The following AMD1 variants were observed in gnomAD, a reference collection of about 807,000 sequenced individuals.
AMD1 encodes adenosylmethionine decarboxylase 1, also known as S-adenosylmethionine decarboxylase proenzyme.
In AMD1, 11 loss-of-function variants were observed where a neutral mutation model predicts 40.2. The ratio of observed to expected loss-of-function variants is 0.27; its 90% CI spans 0.17 to 0.45. The LOEUF is 0.45. Ranked by LOEUF, AMD1 falls within the 20% of genes least tolerant of loss-of-function variation. AMD1 has a pLI of 1.00. For synonymous variants in AMD1, 121 were observed against 130.8 expected (o/e 0.93, Z 0.51); for missense variants, 257 against 410.2 (o/e 0.63, Z 3.23).
At chr6:110,845,490 G>A in the AMD1 span, among the ~76,000 whole-genome samples, 1 of 152,136 alleles carries the variant, frequency 6.6e-6, no homozygotes, top group Non-Finnish European at 1.5e-5. Context: ...ACCTAACATA[G>A]CATAAACATG....
At chr6:110,858,928 A>T in the AMD1 span, 9 of 947,856 alleles carry the variant, frequency 9.5e-6, no homozygotes, top group Non-Finnish European at 1.6e-5. Context: ...GTTGACACCA[A>T]GCTGGGAACC....
the AMD1 span, among the ~76,000 whole-genome samples, chr6:110,860,672 GC>G: frequency 6.6e-6 from 1 of 151,798 alleles, no homozygotes; most frequent in Non-Finnish European, 1.5e-5. Flanking sequence ...GGTGGCATGT[GC>G]CCGTAAGTCC....
chr6:110,892,037 A>C (rs1474938493), intron 4 of AMD1, 124 bp from the exon 5 acceptor site: 1 of 1,155,670 alleles, frequency 8.7e-7, no homozygotes, highest in Non-Finnish European at 1.3e-6. Context: ...TGCCCAGTCC[A>C]CTGATGGATG....
At chr6:110,871,177 A>G (rs944313271), upstream of AMD1, among the ~76,000 whole-genome samples, 2 of 152,194 alleles carry the variant, frequency 1.3e-5, no homozygotes, top group Admixed American at 6.5e-5. Flanking sequence ...AGAAATTTTG[A>G]TTTCAATTGT....
At chr6:110,885,511 A>G (rs1034706735) in intron 1 of AMD1, among the ~76,000 whole-genome samples, 20 of 151,760 alleles carry the variant, frequency 1.3e-4, no homozygotes, top group African/African-American at 4.8e-4. Context: ...GCTCACTGCA[A>G]CCTCCACCTT....
chr6:110,831,386 C>T, the AMD1 span, among the ~76,000 whole-genome samples: 2 of 150,518 alleles, frequency 1.3e-5, no homozygotes, highest in Non-Finnish European at 2.9e-5. Flanking sequence ...TTGCAGTGAG[C>T]GGAGACCGTG....
the AMD1 span, among the ~76,000 whole-genome samples, chr6:110,849,214 T>A: frequency 1.3e-5 from 2 of 152,194 alleles, no homozygotes; most frequent in African/African-American, 4.8e-5. Context: ...GTACTATTCT[T>A]GAGTGTGATC....
chr6:110,836,729 G>T, the AMD1 span, among the ~76,000 whole-genome samples: 1 of 151,820 alleles, frequency 6.6e-6, no homozygotes, highest in African/African-American at 2.4e-5. Flanking sequence ...TCCTGACCAA[G>T]GTTGTTTGTT....
chr6:110,886,411 TGCCTCA>T (rs947745602), intron 1 of AMD1, among the ~76,000 whole-genome samples: 2 of 152,164 alleles, frequency 1.3e-5, no homozygotes, highest in South Asian at 4.2e-4. Context: ...GCGATTCTCC[TGCCTCA>T]GCCTCAGCCT....
chr6:110,815,980 A>T, the AMD1 span: 1 of 152,210 alleles, frequency 6.6e-6, no homozygotes, highest in African/African-American at 2.4e-5. Flanking sequence ...GGGTATCCCC[A>T]GGCTTTGGCT....
intron 5 of AMD1, 30 bp downstream of exon 5, chr6:110,892,233 G>A (rs755382033): frequency 1.9e-6 from 3 of 1,613,546 alleles, no homozygotes; most frequent in Admixed American, 1.7e-5. Context: ...GTGGATTTTT[G>A]TTGTCCTATG....
At chr6:110,893,418 G>T (rs1786143558) in intron 8 of AMD1, 58 bp from the exon 9 acceptor site, 3 of 1,593,438 alleles carry the variant, frequency 1.9e-6, no homozygotes, top group Middle Eastern at 1.7e-4. Context: ...TAACTGTTTT[G>T]GTTGAAAATA....
the AMD1 span, among the ~76,000 whole-genome samples, chr6:110,827,329 A>G: frequency 6.7e-6 from 1 of 150,068 alleles, no homozygotes; most frequent in East Asian, 2.0e-4. Flanking sequence ...TTGTTTTTTA[A>G]GGTGGGTTTC....
Position 110,887,545 on chromosome 6 carries a change from A to G in AMD1, c.151A>G (p.Ile51Val), listed in dbSNP as rs752282496. The G allele has an allele frequency of 7.5e-6, 12 of 1,609,474 alleles. No homozygotes were observed. The highest frequency in any genetic ancestry group is 2.7e-5 in the African/African-American group (2 of 74,832). The change falls in exon 2 of 9, where the codon ATC becomes GTC. Residue 51 changes from isoleucine to valine, a missense_variant. Ile to Val is a conservative substitution (Grantham distance 29). This residue lies in a region of AMD1 where 57 missense variants were observed against 76.8 expected (regional missense o/e 0.74). Transcript: ENST00000368885. ...ACTTTTGAAGGATGTGCAATGTTCA[A>G]TCATAAGTGTGACAAAAACTGACAA... ...DILLKDVQCSIISVTKTDKQE... is the reference protein window; with the variant it reads ...DILLKDVQCSVISVTKTDKQE...
At chr6:110,832,927 T>G in the AMD1 span, among the ~76,000 whole-genome samples, 1 of 152,100 alleles carries the variant, frequency 6.6e-6, no homozygotes, top group South Asian at 2.1e-4. Flanking sequence ...TTCAAGTGAT[T>G]CTCCTGCCTC....
chr6:110,827,974 T>G, the AMD1 span, among the ~76,000 whole-genome samples: 5 of 152,210 alleles, frequency 3.3e-5, no homozygotes, highest in African/African-American at 1.2e-4. Context: ...GGAAAAATAT[T>G]GAATGTCTTC....
chr6:110,877,865 A>C (rs1307896975), intron 1 of AMD1, among the ~76,000 whole-genome samples: 1 of 152,348 alleles, frequency 6.6e-6, no homozygotes, highest in East Asian at 1.9e-4. Flanking sequence ...GAATTAAACA[A>C]ATCTGTTTAT....
At chr6:110,863,408 C>T in the AMD1 span, among the ~76,000 whole-genome samples, 16 of 147,568 alleles carry the variant, frequency 1.1e-4, no homozygotes, top group African/African-American at 3.8e-4. Context: ...CTCGCTCTGT[C>T]TCCCAGGCAG....
At chr6:110,868,924 G>A in the AMD1 span, among the ~76,000 whole-genome samples, 1 of 151,772 alleles carries the variant, frequency 6.6e-6, no homozygotes. Context: ...GCCAGGTGTG[G>A]TGGCGTATGC....
Sources: gnomAD v4.1 joint callset for allele counts (sites outside exome capture counted in the v4.1 genomes callset) on GRCh38, gnomAD v4.1.1 for gene constraint, gnomAD v4.1.1 regional missense constraint, MANE v1.5 for transcripts, NCBI Gene and HGNC (gene_info 2026-07-23, HGNC 2026-07-21) for gene names.